ADAM12: variants seen among roughly 807,000 people sequenced by gnomAD.
ADAM12 encodes ADAM metallopeptidase domain 12.
A neutral mutation model predicts 106.4 loss-of-function variants in ADAM12; 70 were observed. That is an observed-to-expected ratio of 0.66 (90% CI 0.54 to 0.80). ADAM12 has a LOEUF of 0.80. Among genes scored for constraint, ADAM12 ranks in the 30% least tolerant of loss-of-function variants. The pLI, the probability that ADAM12 is intolerant of heterozygous loss-of-function variation, is 0.00. For synonymous variants in ADAM12, 420 were observed against 433.5 expected, an observed-to-expected ratio of 0.97 and a Z score of 0.39; for missense variants, 1,010 against 1,171.9, an observed-to-expected ratio of 0.86 and a Z score of 2.02.
Position 126,388,414 on chromosome 10 carries a change from A to C in ADAM12, c.-269T>G. On this transcript the variant is annotated 5_prime_UTR_variant, in exon 1 of 23. Transcript: ENST00000448723. This position sits in a 1 kb window ranked among gnomAD's most constrained non-coding sequence, Gnocchi z 4.4. ...GCCTTGACCGTTGCAATAAATGAGC[A>C]AACTGTCCGAGTTGGCCCGGGGACT... 1 of 306,008 alleles carries C rather than the reference A, an allele frequency of 3.3e-6. No homozygotes were observed. Among genetic ancestry groups the C allele is most frequent in the Non-Finnish European group, 5.8e-6 (1 of 172,716 alleles). 19.0% of individuals were successfully genotyped at this position (306,008 alleles called of 1,614,324 possible).
At chr10:126,149,244 A>G (rs1172425731) in intron 4 of ADAM12, among the ~76,000 whole-genome samples, 3 of 152,180 alleles carry the variant, frequency 2.0e-5, no homozygotes, top group Admixed American at 2.0e-4. Context: ...GGAGACAAAC[A>G]CTATCAACGC....
chr10:126,267,281 T>C (rs1044909999), intron 3 of ADAM12, among the ~76,000 whole-genome samples: 2 of 152,240 alleles, frequency 1.3e-5, no homozygotes, highest in Non-Finnish European at 2.9e-5. Context: ...ACCGGTTTCA[T>C]GGAAGACAAT....
intron 2 of ADAM12, among the ~76,000 whole-genome samples, chr10:126,311,235 T>C (rs1403108685): frequency 6.6e-6 from 1 of 152,088 alleles, no homozygotes; most frequent in African/African-American, 2.4e-5. Flanking sequence ...TATTTGGCAA[T>C]GCCACATTCC....
intron 3 of ADAM12, among the ~76,000 whole-genome samples, chr10:126,257,494 AC>A (rs1958916262): frequency 6.6e-6 from 1 of 152,248 alleles, no homozygotes; most frequent in African/African-American, 2.4e-5. Context: ...CTTTTCACCA[AC>A]TTTCTCAGGT....
intron 3 of ADAM12, among the ~76,000 whole-genome samples, chr10:126,157,021 GTGT>G (rs561698692): frequency 5.3e-5 from 8 of 151,776 alleles, no homozygotes; most frequent in African/African-American, 1.9e-4. Flanking sequence ...TTGGTTTTGT[GTGT>G]GTGTGTGTGG....
chr10:126,182,912 C>T (rs898366926), intron 3 of ADAM12, among the ~76,000 whole-genome samples: 1 of 152,256 alleles, frequency 6.6e-6, no homozygotes, highest in Non-Finnish European at 1.5e-5. Context: ...AGACCGATAC[C>T]TGTCCGTGGC....
intron 21 of ADAM12, among the ~76,000 whole-genome samples, chr10:126,031,571 C>T (rs894329371): frequency 3.9e-5 from 6 of 152,214 alleles, no homozygotes; most frequent in Admixed American, 3.9e-4. Flanking sequence ...CCCAGCTCAT[C>T]ATTCATCACC....
At chr10:126,332,392 T>C (rs1387101215) in intron 1 of ADAM12, among the ~76,000 whole-genome samples, 2 of 152,186 alleles carry the variant, frequency 1.3e-5, no homozygotes, top group Non-Finnish European at 2.9e-5. Context: ...CCTCAGGACT[T>C]GCATTCTTGT....
intron 2 of ADAM12, among the ~76,000 whole-genome samples, chr10:126,298,967 A>G (rs1960496912): frequency 6.6e-6 from 1 of 152,352 alleles, no homozygotes; most frequent in East Asian, 1.9e-4. Flanking sequence ...GCAAAAATTG[A>G]GAGAATTCAG....
At chr10:126,119,093 A>G (rs1329526213) in intron 5 of ADAM12, among the ~76,000 whole-genome samples, 2 of 152,178 alleles carry the variant, frequency 1.3e-5, no homozygotes, top group Non-Finnish European at 2.9e-5. Flanking sequence ...TGAATAAAGG[A>G]ACCCACTTAA....
At chr10:126,293,723 G>A (rs1960253640) in intron 2 of ADAM12, among the ~76,000 whole-genome samples, 1 of 152,116 alleles carries the variant, frequency 6.6e-6, no homozygotes, top group Admixed American at 6.5e-5. Context: ...GTTGCACCAT[G>A]TTGGCCAGGC....
intron 1 of ADAM12, among the ~76,000 whole-genome samples, chr10:126,343,026 T>C (rs1383666678): frequency 1.3e-5 from 2 of 152,156 alleles, no homozygotes. Context: ...GACAACTCAA[T>C]AGCCAATCAT....
chr10:126,299,499 G>T (rs187009836), intron 2 of ADAM12, among the ~76,000 whole-genome samples: 19 of 152,264 alleles, frequency 1.2e-4, no homozygotes, highest in Admixed American at 2.6e-4. Context: ...CTCCTACATG[G>T]CAGAGCCAAA....
Position 126,231,326 on chromosome 10 carries a change from T to G in ADAM12, c.260+47589A>C, listed in dbSNP as rs914151999. Among the ~76,000 whole-genome samples, 5 of 152,136 alleles carry G rather than the reference T, an allele frequency of 3.3e-5. No individual in the cohort carries two copies. In the East Asian group the frequency reaches 9.7e-4, roughly 29 times the overall value. ...TTCCAGGGTTTTTATAACAACGATG[T>G]CTTCTTAGGAACTTTGAAATCTTAG... is the stretch of plus-strand genomic sequence containing the variant. On this transcript the variant is annotated intron_variant, in intron 3 of 22. Coordinates refer to ENST00000448723, the MANE Select transcript of ADAM12 (RefSeq NM_001288973.2).
At chr10:126,285,244 C>T (rs149461307) in intron 2 of ADAM12, among the ~76,000 whole-genome samples, 8 of 152,314 alleles carry the variant, frequency 5.3e-5, no homozygotes, top group African/African-American at 1.9e-4. Context: ...GAGGCAAGCT[C>T]TCCTCAACAA....
chr10:126,052,679 A>G (rs373518481), intron 14 of ADAM12, among the ~76,000 whole-genome samples: 2 of 152,276 alleles, frequency 1.3e-5, no homozygotes, highest in East Asian at 1.9e-4. Context: ...GGAGAGAGAG[A>G]GGACGAGAAA....
At chr10:126,279,132 G>A (rs1287733982) in intron 2 of ADAM12, 144 bp from the exon 3 acceptor site, 6 of 630,800 alleles carry the variant, frequency 9.5e-6, no homozygotes, top group Admixed American at 5.7e-5. Context: ...ACAATGCAGT[G>A]TATAAATGAA....
chr10:126,149,558 G>A (rs1268855899), intron 4 of ADAM12, among the ~76,000 whole-genome samples: 2 of 152,168 alleles, frequency 1.3e-5, no homozygotes, highest in Non-Finnish European at 2.9e-5. Context: ...ACTGGGAGAG[G>A]CCCACCCGTC....
intron 3 of ADAM12, among the ~76,000 whole-genome samples, chr10:126,242,417 T>A (rs1433480426): frequency 2.0e-5 from 3 of 152,212 alleles, no homozygotes; most frequent in Non-Finnish European, 4.4e-5. Context: ...TCATTTTCCA[T>A]TGAAATTCCC....
Sources: allele counts gnomAD v4.1 joint callset (sites outside exome capture counted in the v4.1 genomes callset), GRCh38; gene constraint gnomAD v4.1.1; non-coding constraint Gnocchi (gnomAD v3.1); transcripts MANE v1.5; gene names NCBI Gene and HGNC (gene_info 2026-07-23, HGNC 2026-07-21).